VWCE: variants seen among roughly 807,000 people sequenced by gnomAD.
The protein encoded by VWCE is von Willebrand factor C and EGF domains, also known as von Willebrand factor C and EGF domain-containing protein.
A neutral mutation model predicts 102.9 loss-of-function variants in VWCE; 68 were observed. The ratio of observed to expected loss-of-function variants is 0.66; its 90% CI spans 0.54 to 0.81. The LOEUF (loss-of-function observed/expected upper bound fraction) is 0.81. Ranked by LOEUF, VWCE falls within the 30% of genes least tolerant of loss-of-function variation. VWCE has a pLI of 0.00. For missense variants in VWCE, 1,137 were observed against 1,263.6 expected, an observed-to-expected ratio of 0.90 and a Z score of 1.52; for synonymous variants, 497 against 515.4, an observed-to-expected ratio of 0.96 and a Z score of 0.48.
intron 3 of VWCE, 61 bp from the exon 4 acceptor site, chr11:61,290,988 C>T (rs1855486792): frequency 1.3e-6 from 2 of 1,571,410 alleles, no homozygotes; most frequent in Admixed American, 1.7e-5. Flanking sequence ...ATCCCCACTT[C>T]ACCAGGGTCC....
intron 15 of VWCE, 148 bp downstream of exon 15, chr11:61,268,774 A>T: frequency 1.4e-6 from 1 of 736,084 alleles, no homozygotes; most frequent in Non-Finnish European, 2.2e-6. Context: ...ACTTGGGTAA[A>T]CTGTTCTACC....
rs142756947 is a variant in VWCE at position 61,280,849 on chromosome 11, T to C, written c.1174A>G (p.Met392Val). ...GPSPCWHLGAMHESRSRWTEP... is the reference protein window; with the variant it reads ...GPSPCWHLGAVHESRSRWTEP... ...GTCCAGCGACTCCTTGATTCATGCA[T>C]GGCTCCCAGGTGCCAGCAGGGAGAG... The change falls in exon 8 of 20, where the codon ATG becomes GTG. Residue 392 changes from methionine (M) to valine (V), a missense_variant. By Grantham distance (21) the Met-to-Val change is conservative. Transcript: ENST00000335613. 1.9e-4 allele frequency: 298 copies of C among 1,547,842 alleles called. 2 individuals are homozygous for C. The African/African-American group carries it at 3.4e-3, about 18-fold the overall frequency.
intron 16 of VWCE, 102 bp downstream of exon 16, chr11:61,267,360 C>T: frequency 1.7e-6 from 2 of 1,180,162 alleles, no homozygotes; most frequent in Non-Finnish European, 2.5e-6. Flanking sequence ...CAGAAGCATC[C>T]CTTGTCTTGG....
At chr11:61,284,476 C>T (rs1855248650) in intron 5 of VWCE, among the ~76,000 whole-genome samples, 1 of 152,156 alleles carries the variant, frequency 6.6e-6, no homozygotes, top group Non-Finnish European at 1.5e-5. Flanking sequence ...ACACAGCAGA[C>T]CAATGCCTGA....
chr11:61,274,667 C>T, intron 11 of VWCE, 83 bp from the exon 12 acceptor site: 2 of 1,272,386 alleles, frequency 1.6e-6, no homozygotes, highest in South Asian at 1.3e-5. Context: ...GGTAGGGAGC[C>T]CCGGGGCACT....
chr11:61,274,616 G>A, intron 11 of VWCE, 32 bp from the exon 12 acceptor site: 1 of 1,608,836 alleles, frequency 6.2e-7, no homozygotes, highest in Non-Finnish European at 8.5e-7. Context: ...GCAACTCAAG[G>A]TCTTTGGGCA....
intron 16 of VWCE, among the ~76,000 whole-genome samples, chr11:61,266,603 T>C (rs551012072): frequency 1.3e-5 from 2 of 152,176 alleles, no homozygotes; most frequent in East Asian, 1.9e-4. Flanking sequence ...CTATGGGACA[T>C]GCTTTTTCAG....
At chr11:61,285,684 G>A (rs1170438750) in intron 5 of VWCE, among the ~76,000 whole-genome samples, 4 of 152,080 alleles carry the variant, frequency 2.6e-5, no homozygotes, top group African/African-American at 7.2e-5. Flanking sequence ...CAGGTTGGTC[G>A]GCCCACTCTG....
chr11:61,259,471 CTG>C (rs1232375758), intron 19 of VWCE, among the ~76,000 whole-genome samples, 159 bp from the exon 20 acceptor site: 1 of 152,162 alleles, frequency 6.6e-6, no homozygotes, highest in African/African-American at 2.4e-5. Context: ...GAAGGGAAGA[CTG>C]AAGGAGCCAT....
At chr11:61,271,609 T>C in intron 14 of VWCE, 66 bp downstream of exon 14, 1 of 1,502,602 alleles carries the variant, frequency 6.7e-7, no homozygotes, top group East Asian at 2.4e-5. Context: ...GCCAGGACGC[T>C]TGTCTCCTCT....
chr11:61,275,762 C>T (rs1253973446), intron 11 of VWCE, among the ~76,000 whole-genome samples: 1 of 152,150 alleles, frequency 6.6e-6, no homozygotes, highest in Non-Finnish European at 1.5e-5. Flanking sequence ...AGGGAACATC[C>T]ATGACAGCAA....
intron 10 of VWCE, among the ~76,000 whole-genome samples, chr11:61,278,163 C>T (rs1199485735): frequency 6.6e-6 from 1 of 152,194 alleles, no homozygotes. Context: ...ACCCTGTGTG[C>T]CTGCTGGCTG....
At chr11:61,271,793 A>C in intron 13 of VWCE, 33 bp from the exon 14 acceptor site, 3 of 1,599,302 alleles carry the variant, frequency 1.9e-6, no homozygotes, top group Non-Finnish European at 2.6e-6. Context: ...AAAAGACGGC[A>C]CAAGACCTAG....
chr11:61,282,876 G>A lies in VWCE; in HGVS notation c.571C>T (p.Gln191Ter). The A allele has an allele frequency of 6.2e-7, 1 of 1,614,202 alleles. No homozygotes were observed. Among genetic ancestry groups the A allele is most frequent in the Non-Finnish European group, 8.5e-7 (1 of 1,180,024 alleles). ...CCAATGCTGTTTTTACATCTCTGCT[G>A]ACAGGGAGTCCCTAGGCATTCGTCA... ...DTDECLGTPC[Q>*]QRCKNSIGSY... is the part of the protein sequence containing the mutation. The change falls in exon 6 of 20, where the codon CAG (glutamine) becomes TAG (stop). Residue 191 changes from glutamine (Q) to a stop codon, truncating the protein, a stop_gained. Coordinates refer to ENST00000335613, the MANE Select transcript of VWCE (RefSeq NM_152718.2). LOFTEE classifies it high-confidence loss of function.
At chr11:61,278,541 C>G in intron 9 of VWCE, 65 bp from the exon 10 acceptor site, 1 of 1,460,298 alleles carries the variant, frequency 6.8e-7, no homozygotes, top group Non-Finnish European at 9.6e-7. Context: ...CTTGAGGTCT[C>G]GCTGCTTCTC....
chr11:61,282,531 G>C lies in VWCE; in HGVS notation c.658+258C>G. 3 of 410,768 alleles carry C rather than the reference G, an allele frequency of 7.3e-6. No homozygotes were observed. In the Admixed American group the frequency reaches 1.2e-4, roughly 17 times the overall value. The allele number at this position is 410,768 out of a possible 1,614,324, so 25.4% of individuals were successfully genotyped here. A position where few individuals can be genotyped will look rare whatever the true frequency, so the allele number is the denominator to read the frequency against. ...GGGTGAGCAGAGAGGAATCCTTGGGGTGTATCTGGGAGAGGAGCGGAAGAG... is the reference window on the plus strand; with the variant it reads ...GGGTGAGCAGAGAGGAATCCTTGGGCTGTATCTGGGAGAGGAGCGGAAGAG... On this transcript the variant is annotated intron_variant, in intron 6 of 19. Coordinates refer to ENST00000335613, the MANE Select transcript of VWCE (RefSeq NM_152718.2).
At position 61,280,938 on chromosome 11, in the gene VWCE, C is replaced by A. The variant is rs776494064; in HGVS notation, c.1085G>T (p.Gly362Val). The change falls in exon 8 of 20, where the codon GGG becomes GTG. Residue 362 changes from glycine (G) to valine (V), a missense_variant. Transcript: ENST00000335613. ...TGAGGAAGGGGTCCCCATCACCTCC[C>A]CCTGAAGGAGTGAGGGGGGTCTGAG... ...GNLRPPSLLQ[G>V]EVMGTPSSPR... 6.5e-7 allele frequency: 1 copy of A among 1,530,716 alleles called. No individual in the cohort carries two copies. Among genetic ancestry groups the A allele is most frequent in the East Asian group, 2.3e-5 (1 of 44,058 alleles). The allele number at this position is 1,530,716 out of a possible 1,614,324, so 94.8% of individuals were successfully genotyped here. A position where few individuals can be genotyped will look rare whatever the true frequency, so the allele number is the denominator to read the frequency against.
chr11:61,258,581 T>A lies in VWCE; in HGVS notation c.*94A>T, dbSNP rs1854252306. On this transcript the variant is annotated 3_prime_UTR_variant, in exon 20 of 20. Coordinates refer to ENST00000335613, the MANE Select transcript of VWCE (RefSeq NM_152718.2). ...GCCCCTGCAGGAGGGAGCCCAGGCA[T>A]CCCCACCAGGTTCATCCTTGGAGCT... The A allele has an allele frequency of 9.6e-6, 12 of 1,252,612 alleles. No homozygotes were observed. Among genetic ancestry groups the A allele is most frequent in the Non-Finnish European group, 1.1e-5 (11 of 979,580 alleles). 77.6% of individuals were successfully genotyped at this position (1,252,612 alleles called of 1,614,324 possible). A position where few individuals can be genotyped will look rare whatever the true frequency, so the allele number is the denominator to read the frequency against.
chr11:61,278,650 G>A (rs1002644880), intron 9 of VWCE, among the ~76,000 whole-genome samples, 174 bp from the exon 10 acceptor site: 1 of 152,274 alleles, frequency 6.6e-6, no homozygotes, highest in South Asian at 2.1e-4. Context: ...AGGATCAGCC[G>A]TGGTGGCCCC....
Sources: gnomAD v4.1 joint callset for allele counts (sites outside exome capture counted in the v4.1 genomes callset) on GRCh38, gnomAD v4.1.1 for gene constraint, MANE v1.5 for transcripts, NCBI Gene and HGNC (gene_info 2026-07-23, HGNC 2026-07-21) for gene names.